Variants in ZP4 observed in about 807,000 individuals in gnomAD.
ZP4 encodes zona pellucida sperm-binding protein 4.
A neutral mutation model predicts 62.3 loss-of-function variants in ZP4; 62 were observed. That is an observed-to-expected ratio of 0.99 (90% confidence interval 0.81 to 1.23). ZP4 has a LOEUF of 1.23. ZP4 is among the 50% of genes most tolerant of loss of function. The probability of loss-of-function intolerance (pLI) is 0.00; values close to 1 mark genes in which losing one functional copy is unlikely to be tolerated. For missense variants in ZP4, 774 were observed against 656.0 expected (o/e 1.18, Z -1.97); for synonymous variants, 289 against 247.3 (o/e 1.17, Z -1.58).
In ZP4 at chr1:237,886,754, T is replaced by C. The variant is rs750239381; in HGVS notation, c.839+17A>G. 1 of 1,610,408 alleles carries C rather than the reference T, an allele frequency of 6.2e-7. No homozygotes were observed. The highest frequency in any genetic ancestry group is 8.5e-7 in the Non-Finnish European group (1 of 1,177,518). On this transcript the variant is annotated intron_variant, in intron 6 of 11. Coordinates refer to ENST00000366570, the MANE Select transcript of ZP4 (RefSeq NM_021186.5). Reference sequence around the variant, plus strand: ...CACCTTATGGCAGATGGGAAGTCATTCTGGCCAAGCCCTTACCTGAAGATG... The same window carrying C: ...CACCTTATGGCAGATGGGAAGTCATCCTGGCCAAGCCCTTACCTGAAGATG...
In ZP4 at chr1:237,883,989, C is replaced by A. The variant is rs866855887; in HGVS notation, c.1390+780G>T. Among the ~76,000 whole-genome samples the A allele has an allele frequency of 3.6e-3, 176 of 49,032 alleles. 2 individuals carry two copies. The highest frequency in any genetic ancestry group is 8.4e-3 in the East Asian group (8 of 954). 32.2% of individuals were successfully genotyped at this position (49,032 alleles called of 152,430 possible). The stretch of plus-strand genomic sequence containing the variant: ...ACAAACACACACACACACAAACACA[C>A]ACACACACACACACACACACACACA... On this transcript the variant is annotated intron_variant, in intron 10 of 11. Transcript: ENST00000366570.
rs1332139859 is a variant in ZP4 at position 237,888,453 on chromosome 1, G to A, written c.458C>T (p.Pro153Leu). The change falls in exon 4 of 12, where the codon CCA (proline) becomes CTA (leucine). Residue 153 changes from proline (P) to leucine (L), a missense_variant. Coordinates refer to ENST00000366570, the MANE Select transcript of ZP4 (RefSeq NM_021186.5). ...CDSIPARDRL[P>L]CAPSPISRGD... ...TCGAGAGATGGGTGAAGGTGCACAT[G>A]GCAGTCTGTCCCGTGCTGGGATGGA... The A allele has an allele frequency of 3.1e-6, 5 of 1,612,330 alleles. No homozygotes were observed. The highest frequency in any genetic ancestry group is 3.4e-6 in the Non-Finnish European group (4 of 1,178,982).
Position 237,882,455 on chromosome 1 carries a change from TTTC to T in ZP4, c.1587_1589del (p.Lys530del), listed in dbSNP as rs751754772. On this transcript the variant is annotated inframe_deletion, in exon 12 of 12. Coordinates refer to ENST00000366570, the MANE Select transcript of ZP4 (RefSeq NM_021186.5). ...ACATTTGGTCTGGGCAACTCTTCTG[TTTC>T]TTGACAGCCAAGTAGGATACTAACA... 24 of 1,611,454 alleles carry T rather than the reference TTTC, an allele frequency of 1.5e-5. No homozygotes were observed. Among genetic ancestry groups the T allele is most frequent in the Middle Eastern group, 3.3e-4 (2 of 6,070 alleles).
At position 237,886,866 on chromosome 1, in the gene ZP4, G is replaced by A; in HGVS notation, c.744C>T (p.Ile248=). The change falls in exon 6 of 12, where the codon ATC becomes ATT. Residue 248 remains isoleucine, a splice_region_variant and synonymous_variant. Coordinates refer to ENST00000366570, the MANE Select transcript of ZP4 (RefSeq NM_021186.5). ...PFTSCGTTRQ[I]TGDRAVYENE... is the part of the protein sequence containing the mutation. Reference sequence around the variant, plus strand: ...TTTCATATACTGCTCGGTCTCCAGTGATCTACAGGAATAGATGGAGAAGTC... The same window carrying A: ...TTTCATATACTGCTCGGTCTCCAGTAATCTACAGGAATAGATGGAGAAGTC... 1 of 1,612,524 alleles carries A rather than the reference G, an allele frequency of 6.2e-7. No homozygotes were observed. The highest frequency in any genetic ancestry group is 8.5e-7 in the Non-Finnish European group (1 of 1,178,762).
At position 237,890,847 on chromosome 1, in the gene ZP4, C is replaced by A. The variant is rs116524094; in HGVS notation, c.-212G>T. The A allele has an allele frequency of 0.011, 5,264 of 480,970 alleles. 220 individuals carry two copies. The highest frequency in any genetic ancestry group is 0.089 in the African/African-American group (4,502 of 50,586). 29.8% of individuals were successfully genotyped at this position (480,970 alleles called of 1,614,324 possible). ...GTCTGCAGCTGCCTCACATTAAATA[C>A]CACAATCCAGGCAGACTTCAGAGCC... is the stretch of plus-strand genomic sequence containing the variant. On this transcript the variant is annotated 5_prime_UTR_variant, in exon 1 of 12. Coordinates refer to ENST00000366570, the MANE Select transcript of ZP4 (RefSeq NM_021186.5).
At chr1:237,883,323 G>A (rs1664959103) in intron 10 of ZP4, among the ~76,000 whole-genome samples, 1 of 151,764 alleles carries the variant, frequency 6.6e-6, no homozygotes, top group Non-Finnish European at 1.5e-5. Flanking sequence ...ATGGAAGAGT[G>A]GGAAACAAAG....
chr1:237,882,959 AC>A, intron 10 of ZP4, 113 bp from the exon 11 acceptor site: 1 of 705,458 alleles, frequency 1.4e-6, no homozygotes, highest in Non-Finnish European at 2.3e-6. Context: ...TCTATGCCTT[AC>A]AAAAACCTCA....
At chr1:237,888,065 C>G (rs762222708) in intron 4 of ZP4, among the ~76,000 whole-genome samples, 62 of 152,202 alleles carry the variant, frequency 4.1e-4, no homozygotes, top group Non-Finnish European at 8.1e-4. Flanking sequence ...CAATCCAAGA[C>G]CATCAGCCAA....
chr1:237,883,987 C>CACACACACACACACACACACAA (rs1665015077), intron 10 of ZP4, among the ~76,000 whole-genome samples: 2 of 36,424 alleles, frequency 5.5e-5, no homozygotes, highest in African/African-American at 1.5e-4. Flanking sequence ...CACACAAACA[C>CACACACACACACACACACACAA]ACACACACAC....
intron 10 of ZP4, among the ~76,000 whole-genome samples, chr1:237,883,969 C>CACACACACACAA (rs1558530675): frequency 7.1e-5 from 4 of 56,128 alleles, no homozygotes; most frequent in African/African-American, 1.7e-4. Context: ...CACACACAAA[C>CACACACACACAA]ACACACACAC....
At chr1:237,883,718 G>A (rs868807164) in intron 10 of ZP4, among the ~76,000 whole-genome samples, 2,207 of 19,112 alleles carry the variant, frequency 0.12, 736 homozygotes, top group African/African-American at 0.5. Flanking sequence ...GGAGGGCGGG[G>A]GAGGGCGGGG....
rs762188542 is a variant in ZP4, at chr1:237,885,723, A to G, written c.970+33T>C. 6 of 1,612,324 alleles carry G rather than the reference A, an allele frequency of 3.7e-6. No individual in the cohort carries two copies. The Admixed American group carries it at 8.3e-5, about 22-fold the overall frequency. ...TGCCCCAGAAGACTGGATTTAGACT[A>G]TAGGCCAGATACTCCAGCCAAGGGG... On this transcript the variant is annotated intron_variant, in intron 7 of 11. Coordinates refer to ENST00000366570, the MANE Select transcript of ZP4 (RefSeq NM_021186.5).
At chr1:237,886,749 G>A in intron 6 of ZP4, 22 bp downstream of exon 6, 2 of 1,605,548 alleles carry the variant, frequency 1.2e-6, no homozygotes, top group South Asian at 1.1e-5. Flanking sequence ...CAGATGGGAA[G>A]TCATTCTGGC....
chr1:237,883,719 G>A (rs1226132354), intron 10 of ZP4, among the ~76,000 whole-genome samples: 2 of 59,216 alleles, frequency 3.4e-5, no homozygotes, highest in African/African-American at 1.4e-4. Flanking sequence ...GAGGGCGGGG[G>A]AGGGCGGGGG....
chr1:237,890,263 G>A, intron 1 of ZP4, 87 bp from the exon 2 acceptor site: 1 of 1,592,866 alleles, frequency 6.3e-7, no homozygotes, highest in Non-Finnish European at 8.6e-7. Flanking sequence ...AGACCCCAAG[G>A]AGCAACTGTC....
At position 237,883,870 on chromosome 1, in the gene ZP4, G is replaced by A. The variant is rs529348750; in HGVS notation, c.1390+899C>T. ...TTTTAGTTGGGAGGCTGAACTGGGC[G>A]TATCACCTGAGCTCAGGAGGTCGAG... On this transcript the variant is annotated intron_variant, in intron 10 of 11. Transcript: ENST00000366570. Among the ~76,000 whole-genome samples the A allele has an allele frequency of 6.2e-5, 9 of 146,084 alleles. No homozygotes were observed. The South Asian group carries it at 6.6e-4, about 11-fold the overall frequency.
In ZP4 at chr1:237,890,046, C is replaced by A; in HGVS notation, c.297+9G>T. On this transcript the variant is annotated intron_variant, in intron 2 of 11. Coordinates refer to ENST00000366570, the MANE Select transcript of ZP4 (RefSeq NM_021186.5). Reference sequence around the variant, plus strand: ...CACACAGTCTCCCTGGCCATTGGGTCATACTCACCCACTCAGTGACATAGC... The same window carrying A: ...CACACAGTCTCCCTGGCCATTGGGTAATACTCACCCACTCAGTGACATAGC... 1 of 1,614,138 alleles carries A rather than the reference C, an allele frequency of 6.2e-7. No individual in the cohort carries two copies. Among genetic ancestry groups the A allele is most frequent in the South Asian group, 1.1e-5 (1 of 91,054 alleles).
intron 10 of ZP4, among the ~76,000 whole-genome samples, chr1:237,883,726 G>GAGAGGAAGAGAGA (rs1558530140): frequency 1.8e-3 from 29 of 16,238 alleles, no homozygotes; most frequent in East Asian, 0.013. Flanking sequence ...GGGGAGGGCG[G>GAGAGGAAGAGAGA]GGGAGGGAGA....
intron 10 of ZP4, among the ~76,000 whole-genome samples, chr1:237,883,266 C>T (rs540172195): frequency 9.9e-5 from 15 of 152,078 alleles, no homozygotes; most frequent in Middle Eastern, 3.4e-3. Context: ...TACAGTTTTA[C>T]GTTTTCTGTA....
Sources: allele counts gnomAD v4.1 joint callset (sites outside exome capture counted in the v4.1 genomes callset), GRCh38; gene constraint gnomAD v4.1.1; transcripts MANE v1.5; gene names NCBI Gene and HGNC (gene_info 2026-07-23, HGNC 2026-07-21).